KCNJ12: variants seen among roughly 807,000 people sequenced by gnomAD.
The protein encoded by KCNJ12 is potassium inwardly rectifying channel subfamily J member 12.
In KCNJ12, 2 loss-of-function variants were observed where a neutral mutation model predicts 22.3. The ratio of observed to expected loss-of-function variants is 0.09; its 90% confidence interval spans 0.04 to 0.28. KCNJ12 has a LOEUF of 0.28. KCNJ12 is among the 10% of genes least tolerant of loss of function. KCNJ12 has a pLI of 1.00. For synonymous variants in KCNJ12, 117 were observed against 261.4 expected (o/e 0.45, Z 5.33); for missense variants, 155 against 633.3 (o/e 0.24, Z 8.11).
At chr17:21,405,626 C>G (rs1176840229) in intron 1 of KCNJ12, among the ~76,000 whole-genome samples, 1 of 152,298 alleles carries the variant, frequency 6.6e-6, no homozygotes, top group African/African-American at 2.4e-5. Context: ...CCTGCCCTCC[C>G]CTGCGGGACG....
intron 2 of KCNJ12, among the ~76,000 whole-genome samples, chr17:21,410,705 C>G (rs1906279873): frequency 6.6e-6 from 1 of 152,282 alleles, no homozygotes; most frequent in Non-Finnish European, 1.5e-5. Flanking sequence ...GCCACGCACA[C>G]AGTCAGGCCT....
chr17:21,414,988 GTT>G (rs1906612253), intron 2 of KCNJ12, among the ~76,000 whole-genome samples: 2 of 294 alleles, frequency 6.8e-3, no homozygotes, highest in East Asian at 0.1. Context: ...GGCAGGCACT[GTT>G]AGATTCAGGC....
At chr17:21,410,424 G>T (rs1290215408) in intron 2 of KCNJ12, among the ~76,000 whole-genome samples, 1 of 152,258 alleles carries the variant, frequency 6.6e-6, no homozygotes, top group African/African-American at 2.4e-5. Context: ...TGTGGCTGAG[G>T]AATGGTGCTT....
chr17:21,402,170 C>T (rs1271012931), intron 1 of KCNJ12, among the ~76,000 whole-genome samples: 1 of 152,308 alleles, frequency 6.6e-6, no homozygotes, highest in Non-Finnish European at 1.5e-5. Context: ...CCGCTGCCCT[C>T]CCCTGGCCTC....
chr17:21,391,918 C>G (rs189630888), intron 1 of KCNJ12, among the ~76,000 whole-genome samples: 69 of 152,344 alleles, frequency 4.5e-4, no homozygotes, highest in African/African-American at 1.6e-3. Context: ...TCATGTCTGG[C>G]AAGGTGGTCT....
chr17:21,397,713 C>T (rs948474838), intron 1 of KCNJ12, among the ~76,000 whole-genome samples: 14 of 152,216 alleles, frequency 9.2e-5, no homozygotes, highest in Non-Finnish European at 1.9e-4. Context: ...GTCTGGGATG[C>T]CTGCCCCCAC....
At chr17:21,404,949 A>G (rs1400201149) in intron 1 of KCNJ12, among the ~76,000 whole-genome samples, 3 of 152,292 alleles carry the variant, frequency 2.0e-5, no homozygotes, top group Non-Finnish European at 2.9e-5. Flanking sequence ...TCTGGGGTCC[A>G]TATGTCCAGC....
At chr17:21,387,992 C>T (rs1905120095) in intron 1 of KCNJ12, among the ~76,000 whole-genome samples, 1 of 152,198 alleles carries the variant, frequency 6.6e-6, no homozygotes, top group Non-Finnish European at 1.5e-5. Flanking sequence ...CACTCCTCCC[C>T]CACTGCTGAG....
chr17:21,407,076 C>T, intron 1 of KCNJ12, among the ~76,000 whole-genome samples: 1 of 152,292 alleles, frequency 6.6e-6, no homozygotes, highest in African/African-American at 2.4e-5. Context: ...CGTAGTTAGC[C>T]ATGTGCCCAC....
In KCNJ12 at chr17:21,401,454, C is replaced by G. The variant is rs1208382955; in HGVS notation, c.-178-7065C>G. On this transcript the variant is annotated intron_variant, in intron 1 of 2. Coordinates refer to ENST00000583088, the MANE Select transcript of KCNJ12 (RefSeq NM_021012.5). The stretch of plus-strand genomic sequence containing the variant: ...AGCTGACATTTCCTGCCCTGTGGGC[C>G]GAGCTCAGAGCTCAGCAGGGGTCAG... 2.1e-3 allele frequency among the ~76,000 whole-genome samples: 323 copies of G among 152,356 alleles called. 8 individuals carry two copies. In the East Asian group the frequency reaches 0.055, roughly 26 times the overall value.
At chr17:21,389,177 A>C (rs1490194375) in intron 1 of KCNJ12, among the ~76,000 whole-genome samples, 1 of 152,202 alleles carries the variant, frequency 6.6e-6, no homozygotes, top group Non-Finnish European at 1.5e-5. Flanking sequence ...TGCTATTCAC[A>C]GGTGGAGAAA....
At chr17:21,393,132 C>T (rs1905250831) in intron 1 of KCNJ12, among the ~76,000 whole-genome samples, 1 of 152,044 alleles carries the variant, frequency 6.6e-6, no homozygotes, top group African/African-American at 2.4e-5. Flanking sequence ...CCTGCCCTCC[C>T]CTACTGGAAA....
At chr17:21,393,126 C>T (rs1256945919) in intron 1 of KCNJ12, among the ~76,000 whole-genome samples, 1 of 152,010 alleles carries the variant, frequency 6.6e-6, no homozygotes, top group Admixed American at 6.5e-5. Flanking sequence ...CCCTCCCCTG[C>T]CCTCCCCTAC....
At chr17:21,379,034 C>G (rs1418258370) in intron 1 of KCNJ12, among the ~76,000 whole-genome samples, 1 of 152,212 alleles carries the variant, frequency 6.6e-6, no homozygotes, top group African/African-American at 2.4e-5. Context: ...ACCCCACCAG[C>G]CTTCCTGCCC....
At chr17:21,378,227 G>A (rs529476932) in intron 1 of KCNJ12, among the ~76,000 whole-genome samples, 1 of 152,378 alleles carries the variant, frequency 6.6e-6, no homozygotes, top group South Asian at 2.1e-4. Context: ...CCCTCCTCGC[G>A]CAGCTCCGCC....
intron 1 of KCNJ12, among the ~76,000 whole-genome samples, chr17:21,399,681 A>T (rs1442176170): frequency 6.6e-6 from 1 of 152,160 alleles, no homozygotes; most frequent in East Asian, 1.9e-4. Flanking sequence ...GAGGTGGTCC[A>T]AGCCAGACTT....
chr17:21,415,209 C>A, intron 2 of KCNJ12, 78 bp from the exon 3 acceptor site: 1 of 1,368,666 alleles, frequency 7.3e-7, no homozygotes, highest in Non-Finnish European at 1.0e-6. Flanking sequence ...CCTCCAGTCA[C>A]GTCTGGGGGC....
At chr17:21,396,335 A>G (rs1905361928) in intron 1 of KCNJ12, among the ~76,000 whole-genome samples, 1 of 152,166 alleles carries the variant, frequency 6.6e-6, no homozygotes, top group Admixed American at 6.5e-5. Context: ...GAAGTCACCG[A>G]GCCAGCTCGC....
Position 21,417,643 on chromosome 17 carries a change from A to G in KCNJ12, c.*999A>G, listed in dbSNP as rs1906925390. On this transcript the variant is annotated 3_prime_UTR_variant, in exon 3 of 3. Coordinates refer to ENST00000583088, the MANE Select transcript of KCNJ12 (RefSeq NM_021012.5). ...GGAGGAAGCTGGCAGCCCCGTCCCC[A>G]CTGGGCCCACAGTGTGAGTCGTGCC... The G allele has an allele frequency of 6.0e-6, 1 of 167,262 alleles. No individual in the cohort carries two copies. Among genetic ancestry groups the G allele is most frequent in the Admixed American group, 6.5e-5 (1 of 15,282 alleles). The allele number at this position is 167,262 out of a possible 1,614,324, so 10.4% of individuals were successfully genotyped here.
Sources: allele counts gnomAD v4.1 joint callset (sites outside exome capture counted in the v4.1 genomes callset), GRCh38; gene constraint gnomAD v4.1.1; transcripts MANE v1.5; gene names NCBI Gene and HGNC (gene_info 2026-07-23, HGNC 2026-07-21).